Variants in SHTN1 observed in about 807,000 individuals in gnomAD.
The protein encoded by SHTN1 is shootin-1.
SHTN1 carries 42 observed loss-of-function variants against 83.1 expected under a neutral mutation model. That is an observed-to-expected ratio of 0.51 (90% CI 0.39 to 0.65). The LOEUF (loss-of-function observed/expected upper bound fraction) is 0.65, where lower values mean the gene tolerates loss of function less well. Ranked by LOEUF, SHTN1 falls within the 30% of genes least tolerant of loss-of-function variation. SHTN1 has a pLI of 0.00. For synonymous variants in SHTN1, 224 were observed against 247.7 expected (o/e 0.90, Z 0.90); for missense variants, 622 against 737.8 (o/e 0.84, Z 1.82).
intron 9 of SHTN1, among the ~76,000 whole-genome samples, chr10:116,939,338 G>A (rs1196329102): frequency 2.6e-5 from 4 of 152,202 alleles, no homozygotes; most frequent in Non-Finnish European, 5.9e-5. Context: ...TTGCAAAGAT[G>A]GTGGGAAAAG....
chr10:117,035,758 C>A (rs566979261), intron 2 of SHTN1, among the ~76,000 whole-genome samples: 57 of 151,804 alleles, frequency 3.8e-4, no homozygotes, highest in Non-Finnish European at 6.2e-4. Flanking sequence ...CCAGACTGAC[C>A]AACATGGAGA....
chr10:117,122,461 G>A (rs1249717193), intron 1 of SHTN1, among the ~76,000 whole-genome samples: 5 of 152,158 alleles, frequency 3.3e-5, no homozygotes, highest in African/African-American at 1.2e-4. Flanking sequence ...TTACTTGTGT[G>A]AGCCACTGCA....
chr10:117,011,878 C>T (rs1189974315), intron 2 of SHTN1, among the ~76,000 whole-genome samples: 7 of 152,042 alleles, frequency 4.6e-5, no homozygotes, highest in Non-Finnish European at 1.0e-4. Context: ...CGGTGGCTCA[C>T]GCCTGTAATC....
In SHTN1 at chr10:116,904,063, C is replaced by T. The variant is rs572693750; in HGVS notation, c.1481-2106G>A. On this transcript the variant is annotated intron_variant, in intron 15 of 16. Coordinates refer to ENST00000355371, the MANE Select transcript of SHTN1 (RefSeq NM_001127211.3). ...TGTCCCTGGGGCAGATAACCATTAA[C>T]CTGAGATCTTAGCTCTGCAAACTCT... 1.4e-4 allele frequency among the ~76,000 whole-genome samples: 21 copies of T among 152,310 alleles called. No individual in the cohort carries two copies. In the South Asian group the frequency reaches 3.9e-3, roughly 29 times the overall value.
Position 117,059,176 on chromosome 10 carries a change from C to A in SHTN1, c.-188-10666G>T, listed in dbSNP as rs548372187. Among the ~76,000 whole-genome samples, 336 of 152,058 alleles carry A rather than the reference C, an allele frequency of 2.2e-3. 1 individual carries two copies. The highest frequency in any genetic ancestry group is 7.5e-3 in the African/African-American group (311 of 41,430). ...CAATAAAAACATGGGAAAAATACTA[C>A]CCCCCACTGCAATAATAATAATGAC... On this transcript the variant is annotated intron_variant, in intron 1 of 17. Transcript: ENST00000392901.
intron 2 of SHTN1, among the ~76,000 whole-genome samples, chr10:117,036,283 G>T (rs751399425): frequency 2.6e-5 from 4 of 151,956 alleles, no homozygotes; most frequent in Non-Finnish European, 1.5e-5. Context: ...CCCACTGCTG[G>T]GTATATACCC....
chr10:117,020,933 A>G (rs747851478), intron 2 of SHTN1, among the ~76,000 whole-genome samples: 3 of 152,204 alleles, frequency 2.0e-5, no homozygotes, highest in Non-Finnish European at 4.4e-5. Flanking sequence ...GGACATATAA[A>G]GAGCTTCTAC....
At chr10:117,032,429 C>A (rs1484190735) in intron 2 of SHTN1, among the ~76,000 whole-genome samples, 1 of 152,100 alleles carries the variant, frequency 6.6e-6, no homozygotes, top group Non-Finnish European at 1.5e-5. Context: ...TGGTCTCAAT[C>A]TCCTGACTTT....
chr10:117,054,375 T>C (rs1852796388), intron 1 of SHTN1, among the ~76,000 whole-genome samples: 1 of 152,002 alleles, frequency 6.6e-6, no homozygotes, highest in South Asian at 2.1e-4. Context: ...TCATCCAGTA[T>C]ATTGTGCTGA....
At chr10:116,956,911 G>T (rs1244138795) in intron 4 of SHTN1, among the ~76,000 whole-genome samples, 1 of 151,588 alleles carries the variant, frequency 6.6e-6, no homozygotes, top group Non-Finnish European at 1.5e-5. Context: ...ATATATGAGG[G>T]TTTTTTTTGT....
At chr10:116,958,523 A>G (rs1433832251) in intron 4 of SHTN1, among the ~76,000 whole-genome samples, 1 of 152,198 alleles carries the variant, frequency 6.6e-6, no homozygotes, top group African/African-American at 2.4e-5. Context: ...ACGAGCAATG[A>G]ATATAACAGT....
At chr10:116,946,757 G>A (rs540368236) in intron 7 of SHTN1, among the ~76,000 whole-genome samples, 42 of 148,710 alleles carry the variant, frequency 2.8e-4, no homozygotes, top group African/African-American at 6.4e-4. Flanking sequence ...TATGTCTGTC[G>A]CCCAGGCTGG....
chr10:117,115,692 A>G lies in SHTN1; in HGVS notation c.-189+10615T>C, dbSNP rs184423915. On this transcript the variant is annotated intron_variant, in intron 1 of 17. Coordinates refer to the SHTN1 transcript ENST00000392901. Reference sequence around the variant, plus strand: ...ACACTGAAATTGTGATATACTCCACAGCTCACAACTTTTAATGATCCTACC... The same window carrying G: ...ACACTGAAATTGTGATATACTCCACGGCTCACAACTTTTAATGATCCTACC... 1.4e-3 allele frequency among the ~76,000 whole-genome samples: 207 copies of G among 152,336 alleles called. 2 individuals are homozygous for G. The highest frequency in any genetic ancestry group is 1.0e-4 in the Non-Finnish European group (7 of 68,030).
intron 2 of SHTN1, among the ~76,000 whole-genome samples, chr10:117,030,914 T>C (rs1852406128): frequency 6.6e-6 from 1 of 151,742 alleles, no homozygotes; most frequent in Non-Finnish European, 1.5e-5. Context: ...AAAGAAGAGG[T>C]AGAAAAAAAT....
chr10:116,940,353 A>C, intron 9 of SHTN1, 113 bp downstream of exon 9: 1 of 1,112,182 alleles, frequency 9.0e-7, no homozygotes, highest in Non-Finnish European at 1.3e-6. Flanking sequence ...ACTAAGGCAA[A>C]ATATGAAACA....
chr10:117,088,591 T>C (rs1449423306), intron 1 of SHTN1, among the ~76,000 whole-genome samples: 1 of 152,182 alleles, frequency 6.6e-6, no homozygotes, highest in African/African-American at 2.4e-5. Flanking sequence ...CTTTCAGAGA[T>C]GCAATTTCCT....
At position 117,062,443 on chromosome 10, in the gene SHTN1, T is replaced by A. The variant is rs79664901; in HGVS notation, c.-188-13933A>T. Reference sequence around the variant, plus strand: ...CAATGAATTAGCTTACATTTTGAGGTTCTTATTGAGGAGCTCCTCCTAGAA... The same window carrying A: ...CAATGAATTAGCTTACATTTTGAGGATCTTATTGAGGAGCTCCTCCTAGAA... On this transcript the variant is annotated intron_variant, in intron 1 of 17. Transcript: ENST00000392901. 6.4e-3 allele frequency among the ~76,000 whole-genome samples: 974 copies of A among 152,204 alleles called. 9 individuals are homozygous for A. Among genetic ancestry groups the A allele is most frequent in the South Asian group, 0.014 (66 of 4,808 alleles).
In SHTN1 at chr10:116,948,979, CT is replaced by C; in HGVS notation, c.552del (p.Glu185LysfsTer5). 6.4e-7 allele frequency: 1 copy of C among 1,558,010 alleles called. No individual in the cohort carries two copies. Among genetic ancestry groups the C allele is most frequent in the South Asian group, 1.3e-5 (1 of 79,410 alleles). The stretch of plus-strand genomic sequence containing the variant: ...ACTTCTGAATTTAAAACAGTCTTTT[CT>C]TGTTTAACTTTATTTACCTAAAAAT... ...EVIEEVNKVK[Q>X]EKTVLNSEVL... is the part of the protein sequence containing the mutation. On this transcript the variant is annotated frameshift_variant, in exon 7 of 17. Coordinates refer to ENST00000355371, the MANE Select transcript of SHTN1 (RefSeq NM_001127211.3). LOFTEE classifies it high-confidence loss of function.
chr10:117,123,027 A>G (rs1853953949), intron 1 of SHTN1, among the ~76,000 whole-genome samples: 1 of 151,966 alleles, frequency 6.6e-6, no homozygotes, highest in South Asian at 2.1e-4. Context: ...TTGGAGATGG[A>G]GTTTCGCTCT....
Sources: gnomAD v4.1 joint callset for allele counts (sites outside exome capture counted in the v4.1 genomes callset) on GRCh38, gnomAD v4.1.1 for gene constraint, MANE v1.5 for transcripts, NCBI Gene and HGNC (gene_info 2026-07-23, HGNC 2026-07-21) for gene names.